Variants in HS6ST3 observed in about 807,000 individuals in gnomAD.
HS6ST3 encodes heparan sulfate 6-O-sulfotransferase 3.
In HS6ST3, 12 loss-of-function variants were observed where a neutral mutation model predicts 36.7. That is an observed-to-expected ratio of 0.33 (90% confidence interval 0.21 to 0.53). HS6ST3 has a LOEUF of 0.53. Among genes scored for constraint, HS6ST3 ranks in the 20% least tolerant of loss-of-function variants. The pLI is 0.95. For synonymous variants in HS6ST3, 240 were observed against 257.5 expected, an observed-to-expected ratio of 0.93 and a Z score of 0.65; for missense variants, 584 against 640.9, an observed-to-expected ratio of 0.91 and a Z score of 0.96.
At chr13:96,663,911 A>C (rs1375803701) in intron 1 of HS6ST3, among the ~76,000 whole-genome samples, 1 of 152,196 alleles carries the variant, frequency 6.6e-6, no homozygotes, top group African/African-American at 2.4e-5. Flanking sequence ...TTCCATTTAT[A>C]TAAGATATCC....
chr13:96,788,735 T>G (rs1373116710), intron 1 of HS6ST3, among the ~76,000 whole-genome samples: 1 of 151,916 alleles, frequency 6.6e-6, no homozygotes, highest in Admixed American at 6.6e-5. Flanking sequence ...TTAGGATTAT[T>G]ATGAGTCCTT....
intron 1 of HS6ST3, among the ~76,000 whole-genome samples, chr13:96,393,372 T>C (rs1167660320): frequency 1.3e-5 from 2 of 152,198 alleles, no homozygotes; most frequent in Non-Finnish European, 2.9e-5. Context: ...CAGGAAACTA[T>C]TAAATGTGTG....
At chr13:96,117,008 C>A (rs2053897018) in intron 1 of HS6ST3, among the ~76,000 whole-genome samples, 1 of 152,164 alleles carries the variant, frequency 6.6e-6, no homozygotes, top group African/African-American at 2.4e-5. Context: ...TTCAGAAAGT[C>A]ACTAAGCCCT....
intron 1 of HS6ST3, among the ~76,000 whole-genome samples, chr13:96,431,259 T>C (rs1449142011): frequency 8.7e-5 from 13 of 149,142 alleles, no homozygotes; most frequent in African/African-American, 3.0e-4. Flanking sequence ...CAACAACAAA[T>C]AAACCAAAAC....
chr13:96,823,942 C>A (rs1170561688), intron 1 of HS6ST3, among the ~76,000 whole-genome samples: 1 of 152,162 alleles, frequency 6.6e-6, no homozygotes, highest in Non-Finnish European at 1.5e-5. Context: ...TACTGTTCTG[C>A]AGTTCCCACA....
At chr13:96,417,908 A>G (rs887761200) in intron 1 of HS6ST3, among the ~76,000 whole-genome samples, 5 of 152,054 alleles carry the variant, frequency 3.3e-5, no homozygotes, top group African/African-American at 4.8e-5. Context: ...ATGAATTGAT[A>G]TATATCCTTG....
intron 1 of HS6ST3, among the ~76,000 whole-genome samples, chr13:96,608,847 C>T (rs945369121): frequency 6.6e-6 from 1 of 151,944 alleles, no homozygotes; most frequent in Non-Finnish European, 1.5e-5. Flanking sequence ...CTGGAATGTG[C>T]GGTAAAGTTC....
intron 1 of HS6ST3, among the ~76,000 whole-genome samples, chr13:96,284,158 A>G (rs184016829): frequency 2.0e-5 from 3 of 152,098 alleles, no homozygotes; most frequent in East Asian, 3.9e-4. Flanking sequence ...AGGGAACCAA[A>G]TTTTTCCCCA....
At chr13:96,167,637 G>A (rs1188542132) in intron 1 of HS6ST3, among the ~76,000 whole-genome samples, 1 of 152,168 alleles carries the variant, frequency 6.6e-6, no homozygotes, top group Admixed American at 6.5e-5. Flanking sequence ...TTGAGGAAAG[G>A]TTTATTAGAC....
At chr13:96,396,564 T>C (rs1444210835) in intron 1 of HS6ST3, among the ~76,000 whole-genome samples, 1 of 152,158 alleles carries the variant, frequency 6.6e-6, no homozygotes, top group Non-Finnish European at 1.5e-5. Context: ...ATCTTTTCAC[T>C]TGGGCTATGT....
intron 1 of HS6ST3, among the ~76,000 whole-genome samples, chr13:96,222,158 C>T (rs899138693): frequency 6.6e-6 from 1 of 152,100 alleles, no homozygotes; most frequent in Non-Finnish European, 1.5e-5. Context: ...CTTCATAAGA[C>T]AGTCTAGAGA....
intron 1 of HS6ST3, among the ~76,000 whole-genome samples, chr13:96,760,994 C>T (rs753494199): frequency 8.5e-5 from 13 of 152,150 alleles, no homozygotes; most frequent in Non-Finnish European, 1.9e-4. Flanking sequence ...TATCTTTCAG[C>T]ATCCAATGCT....
At chr13:96,359,912 G>A (rs1424926103) in intron 1 of HS6ST3, among the ~76,000 whole-genome samples, 1 of 152,158 alleles carries the variant, frequency 6.6e-6, no homozygotes, top group East Asian at 1.9e-4. Flanking sequence ...CACTGAAGCA[G>A]GAGTTGACAT....
At chr13:96,345,542 A>G (rs1327145609) in intron 1 of HS6ST3, among the ~76,000 whole-genome samples, 2 of 152,100 alleles carry the variant, frequency 1.3e-5, no homozygotes, top group African/African-American at 4.8e-5. Flanking sequence ...TACCATTTAC[A>G]TTTTCTACTG....
chr13:96,220,761 A>G (rs2054451152), intron 1 of HS6ST3, among the ~76,000 whole-genome samples: 1 of 152,164 alleles, frequency 6.6e-6, no homozygotes, highest in Non-Finnish European at 1.5e-5. Flanking sequence ...GGCTTCATGA[A>G]TTTAATTCTA....
At chr13:96,110,723 C>T (rs776751783) in intron 1 of HS6ST3, among the ~76,000 whole-genome samples, 9 of 152,054 alleles carry the variant, frequency 5.9e-5, no homozygotes, top group South Asian at 2.1e-4. Context: ...CACGCCTGGC[C>T]GGGGATCACA....
At chr13:96,233,419 A>G (rs949399630) in intron 1 of HS6ST3, among the ~76,000 whole-genome samples, 2 of 152,228 alleles carry the variant, frequency 1.3e-5, no homozygotes, top group African/African-American at 2.4e-5. Flanking sequence ...AGCAATAGCC[A>G]GTGGAAAATG....
At chr13:96,546,551 G>T (rs1362582467) in intron 1 of HS6ST3, among the ~76,000 whole-genome samples, 1 of 152,088 alleles carries the variant, frequency 6.6e-6, no homozygotes, top group Non-Finnish European at 1.5e-5. Context: ...CTTTATAAAT[G>T]AGATGAAATA....
intron 1 of HS6ST3, among the ~76,000 whole-genome samples, chr13:96,749,862 T>A (rs886901917): frequency 1.3e-5 from 2 of 152,086 alleles, no homozygotes; most frequent in Admixed American, 1.3e-4. Context: ...CTTATTCAAG[T>A]CATGTCTGTA....
Sources: gnomAD v4.1 joint callset for allele counts (sites outside exome capture counted in the v4.1 genomes callset) on GRCh38, gnomAD v4.1.1 for gene constraint, MANE v1.5 for transcripts, NCBI Gene and HGNC (gene_info 2026-07-23, HGNC 2026-07-21) for gene names.